THBS4: variants seen among roughly 807,000 people sequenced by gnomAD.
The protein encoded by THBS4 is thrombospondin 4.
A neutral mutation model predicts 115.7 loss-of-function variants in THBS4; 90 were observed. The observed-to-expected ratio is 0.78, with a 90% confidence interval of 0.66 to 0.93. The LOEUF is 0.93. Among genes scored for constraint, THBS4 ranks in the 40% least tolerant of loss-of-function variants. The probability of loss-of-function intolerance (pLI) is 0.00; values close to 1 mark genes in which losing one functional copy is unlikely to be tolerated. For synonymous variants in THBS4, 460 were observed against 479.3 expected (o/e 0.96, Z 0.53); for missense variants, 1,087 against 1,232.7 (o/e 0.88, Z 1.77).
intron 4 of THBS4, among the ~76,000 whole-genome samples, 155 bp downstream of exon 4, chr5:80,058,469 C>T (rs552377013): frequency 8.5e-5 from 13 of 152,264 alleles, no homozygotes; most frequent in Non-Finnish European, 1.6e-4. Flanking sequence ...ATCCAGGGCA[C>T]AGAATATTTT....
chr5:80,066,943 A>G (rs781326609), intron 9 of THBS4: 5 of 152,256 alleles, frequency 3.3e-5, no homozygotes, highest in Non-Finnish European at 7.3e-5. Context: ...GATCGAGACA[A>G]GTCATTGGAA....
chr5:80,077,413 T>G (rs1233376128), intron 16 of THBS4, among the ~76,000 whole-genome samples: 2 of 152,184 alleles, frequency 1.3e-5, no homozygotes, highest in Non-Finnish European at 2.9e-5. Context: ...AGGAGCAGGA[T>G]AGAGAGAATG....
chr5:80,058,566 A>G, intron 4 of THBS4, 142 bp from the exon 5 acceptor site: 1 of 749,434 alleles, frequency 1.3e-6, no homozygotes, highest in Admixed American at 2.4e-5. Flanking sequence ...TGAATTAAAG[A>G]AATTACCCCA....
intron 2 of THBS4, among the ~76,000 whole-genome samples, chr5:80,006,134 A>G (rs1832013556): frequency 6.6e-6 from 1 of 152,208 alleles, no homozygotes; most frequent in African/African-American, 2.4e-5. Context: ...CAGAAAAGGA[A>G]TTGGGAAACT....
chr5:80,006,221 CTTTGTGTCCCCACCCAAATCTCATTTGAA>C (rs1358798018), intron 2 of THBS4, among the ~76,000 whole-genome samples: 2 of 152,148 alleles, frequency 1.3e-5, no homozygotes, highest in Non-Finnish European at 2.9e-5. Flanking sequence ...TATGGTTTGG[CTTTGTGTCCCCACCCAAATCTCATTTGAA>C]TTGTACTCCC....
intron 9 of THBS4, chr5:80,066,295 A>T (rs899341168): frequency 8.5e-5 from 13 of 152,224 alleles, no homozygotes; most frequent in Admixed American, 3.9e-4. Context: ...TGACTATTTG[A>T]AAGTTATCCA....
intron 2 of THBS4, chr5:80,053,138 A>C (rs1326322966): frequency 1.3e-5 from 2 of 152,184 alleles, no homozygotes; most frequent in Non-Finnish European, 2.9e-5. Flanking sequence ...CTAGGTATGT[A>C]TGTATACATA....
At position 80,059,572 on chromosome 5, in the gene THBS4, C is replaced by T. The variant is rs144642916; in HGVS notation, c.784+81C>T. On this transcript the variant is annotated intron_variant, in intron 6 of 21. Transcript: ENST00000350881. ...GGGCTTGCGGTGAGGCTGTGTTGACCGCAGTTTCTGAAGGTCTACCACATA... is the reference window on the plus strand; with the variant it reads ...GGGCTTGCGGTGAGGCTGTGTTGACTGCAGTTTCTGAAGGTCTACCACATA... The T allele has an allele frequency of 2.6e-4, 412 of 1,598,426 alleles. 1 individual carries two copies. In the East Asian group the frequency reaches 4.0e-3, roughly 16 times the overall value.
intron 3 of THBS4, among the ~76,000 whole-genome samples, 154 bp from the exon 4 acceptor site, chr5:80,058,052 G>C (rs554651498): frequency 6.6e-6 from 1 of 152,274 alleles, no homozygotes; most frequent in African/African-American, 2.4e-5. Flanking sequence ...GGGCTGGCAG[G>C]CTTTAGGAAA....
chr5:80,067,280 C>A (rs1833864657), intron 9 of THBS4: 1 of 152,036 alleles, frequency 6.6e-6, no homozygotes, highest in African/African-American at 2.4e-5. Context: ...ACACTGCACA[C>A]TTTAAATATA....
At chr5:80,076,811 C>G in intron 15 of THBS4, 44 bp from the exon 16 acceptor site, 1 of 1,453,196 alleles carries the variant, frequency 6.9e-7, no homozygotes, top group Non-Finnish European at 9.1e-7. Flanking sequence ...CCTTCCTGTT[C>G]CCTGCTGAAC....
intron 2 of THBS4, among the ~76,000 whole-genome samples, chr5:80,049,500 C>G (rs1203206695): frequency 6.6e-6 from 1 of 152,150 alleles, no homozygotes; most frequent in Non-Finnish European, 1.5e-5. Flanking sequence ...ACCAAATTGT[C>G]AATTACACAA....
Position 80,059,887 on chromosome 5 carries a change from C to G in THBS4, c.969C>G (p.Thr323=). 1 of 1,614,036 alleles carries G rather than the reference C, an allele frequency of 6.2e-7. No individual in the cohort carries two copies. Among genetic ancestry groups the G allele is most frequent in the South Asian group, 1.1e-5 (1 of 91,088 alleles). The change falls in exon 7 of 22, where the codon ACC becomes ACG. Residue 323 remains threonine (T), a synonymous_variant. Coordinates refer to ENST00000350881, the MANE Select transcript of THBS4 (RefSeq NM_003248.6). ...CPEGYTGNGI[T]CIDVDECKYH... ...AGGGCTACACAGGAAACGGGATCAC[C>G]TGTATTGATGTTGATGAGGTAAAAG...
At chr5:80,002,746 A>G (rs1263763001) in intron 2 of THBS4, among the ~76,000 whole-genome samples, 6 of 60,008 alleles carry the variant, frequency 1.0e-4, no homozygotes, top group Admixed American at 3.0e-4. Flanking sequence ...CAGAAGGGAG[A>G]AAAAAAAAAA....
intron 1 of THBS4, among the ~76,000 whole-genome samples, chr5:79,995,777 T>G (rs1169516053): frequency 1.6e-5 from 2 of 128,340 alleles, no homozygotes; most frequent in East Asian, 4.4e-4. Context: ...ACCTTCAAAT[T>G]TCCCTATTAC....
intron 15 of THBS4, among the ~76,000 whole-genome samples, chr5:80,075,632 CTCTAGATATTTGCCCAAAA>C (rs1451526387): frequency 1.3e-5 from 2 of 152,218 alleles, no homozygotes; most frequent in African/African-American, 4.8e-5. Context: ...TCCCACCAGC[CTCTAGATATTTGCCCAAAA>C]CAAATGACTC....
chr5:79,993,706 C>T (rs1028444526), intron 1 of THBS4, among the ~76,000 whole-genome samples: 1 of 152,224 alleles, frequency 6.6e-6, no homozygotes, highest in Non-Finnish European at 1.5e-5. Flanking sequence ...CATACCCATC[C>T]TTCATGTGTT....
intron 2 of THBS4, among the ~76,000 whole-genome samples, chr5:80,007,532 T>C (rs1832042637): frequency 6.6e-6 from 1 of 152,220 alleles, no homozygotes; most frequent in Non-Finnish European, 1.5e-5. Context: ...CCCACTACCG[T>C]CCACCATGTG....
intron 14 of THBS4, 182 bp downstream of exon 14, chr5:80,072,578 C>A: frequency 1.6e-6 from 1 of 625,968 alleles, no homozygotes; most frequent in Non-Finnish European, 2.9e-6. Flanking sequence ...CACACAAGAT[C>A]TGAAGCCCTA....
Sources: allele counts gnomAD v4.1 joint callset (sites outside exome capture counted in the v4.1 genomes callset), GRCh38; gene constraint gnomAD v4.1.1; transcripts MANE v1.5; gene names NCBI Gene and HGNC (gene_info 2026-07-23, HGNC 2026-07-21).